CRX: variants seen among roughly 807,000 people sequenced by gnomAD.
The protein encoded by CRX is cone-rod homeobox protein.
In CRX, 5 loss-of-function variants were observed where a neutral mutation model predicts 13.1. The observed-to-expected ratio is 0.38, with a 90% CI of 0.20 to 0.80. The LOEUF (loss-of-function observed/expected upper bound fraction) is 0.80, where lower values mean the gene tolerates loss of function less well. CRX is among the 30% of genes least tolerant of loss of function. The pLI is 0.43. For missense variants in CRX, 351 were observed against 391.8 expected, an observed-to-expected ratio of 0.90 and a Z score of 0.88; for synonymous variants, 179 against 171.1, an observed-to-expected ratio of 1.05 and a Z score of -0.36.
At chr19:47,827,836 TA>T (rs1156465404) in intron 1 of CRX, among the ~76,000 whole-genome samples, 542 of 41,502 alleles carry the variant, frequency 0.013, no homozygotes, top group East Asian at 0.058. Flanking sequence ...GCATCTTTAT[TA>T]AAAAAAAAAA....
At chr19:47,832,294 CGGG>C (rs556076215) in intron 1 of CRX, among the ~76,000 whole-genome samples, 4 of 133,216 alleles carry the variant, frequency 3.0e-5, no homozygotes, top group African/African-American at 1.3e-4. Context: ...TCTGCAGAGA[CGGG>C]GTTTCACCAT....
In CRX at chr19:47,839,196, T is replaced by G; in HGVS notation, c.253-124T>G. ...GGTGAATAGACGCCCCACAGCTGGA[T>G]GCAAAGTAGACAGATGTGAACCCAG... On this transcript the variant is annotated intron_variant, in intron 3 of 3. Coordinates refer to ENST00000221996, the MANE Select transcript of CRX (RefSeq NM_000554.6). This position sits in a 1 kb window ranked among gnomAD's most constrained non-coding sequence, Gnocchi z 4.6. 9.5e-7 allele frequency: 1 copy of G among 1,049,746 alleles called. No homozygotes were observed. Among genetic ancestry groups the G allele is most frequent in the Non-Finnish European group, 1.4e-6 (1 of 721,296 alleles). The allele number at this position is 1,049,746 out of a possible 1,614,324, so 65.0% of individuals were successfully genotyped here. A position where few individuals can be genotyped will look rare whatever the true frequency, so the allele number is the denominator to read the frequency against.
At chr19:47,827,677 T>C (rs1246670356) in intron 1 of CRX, among the ~76,000 whole-genome samples, 7 of 147,094 alleles carry the variant, frequency 4.8e-5, no homozygotes, top group African/African-American at 1.7e-4. Flanking sequence ...GCACCCATCA[T>C]CATGTCTGGC....
intron 1 of CRX, among the ~76,000 whole-genome samples, chr19:47,829,929 C>A (rs1452446214): frequency 6.6e-6 from 1 of 151,768 alleles, no homozygotes; most frequent in Non-Finnish European, 1.5e-5. Flanking sequence ...GACACAGCAC[C>A]TGGCCATCTG....
intron 1 of CRX, among the ~76,000 whole-genome samples, chr19:47,831,462 G>A (rs990217718): frequency 6.6e-6 from 1 of 152,110 alleles, no homozygotes; most frequent in South Asian, 2.1e-4. Context: ...TCAGATCAGC[G>A]GTGGCTCTAG....
chr19:47,836,308 G>A lies in CRX; in HGVS notation c.166G>A (p.Ala56Thr), dbSNP rs61748437. Residue 56 changes from alanine (A) to threonine (T), a missense_variant, in exon 3 of 4, where the codon GCA becomes ACA. By Grantham distance (58) the Ala-to-Thr change is moderately conservative (BLOSUM62 0). Around this residue, in one of 3 missense-constraint regions of CRX, gnomAD observed 95 missense variants for 106.7 expected, o/e 0.89. Transcript: ENST00000221996. Reference protein sequence around the residue: ...FTRSQLEELEALFAKTQYPDV... With the variant: ...FTRSQLEELETLFAKTQYPDV... The stretch of plus-strand genomic sequence containing the variant: ...CCGGAGCCAACTGGAGGAGCTGGAG[G>A]CACTGTTTGCCAAGACCCAGTACCC... 1.6e-5 allele frequency: 26 copies of A among 1,614,074 alleles called. 1 individual carries two copies. In the Middle Eastern group the frequency reaches 4.9e-4, roughly 31 times the overall value.
intron 1 of CRX, among the ~76,000 whole-genome samples, chr19:47,827,834 AT>A (rs1397580446): frequency 3.5e-5 from 2 of 56,426 alleles, no homozygotes; most frequent in Non-Finnish European, 3.0e-5. Context: ...TGGCATCTTT[AT>A]TAAAAAAAAA....
rs61748445 is a variant in CRX at position 47,839,539 on chromosome 19, G to A, written c.472G>A (p.Ala158Thr). The A allele has an allele frequency of 4.8e-3, 7,669 of 1,613,370 alleles. 295 individuals carry two copies. The African/African-American group carries it at 0.086, about 18-fold the overall frequency. ...GPSGSPTTAV[A>T]TVSIWSPASE... Reference sequence around the variant, plus strand: ...CTCAGGCTCCCCAACCACGGCAGTGGCCACTGTGTCCATCTGGAGCCCAGC... The same window carrying A: ...CTCAGGCTCCCCAACCACGGCAGTGACCACTGTGTCCATCTGGAGCCCAGC... Residue 158 changes from alanine to threonine, a missense_variant, in exon 4 of 4, where the codon GCC (alanine) becomes ACC (threonine). Physicochemically the swap from Ala to Thr is moderately conservative, Grantham distance 58 (BLOSUM62 0). Transcript: ENST00000221996. The surrounding 1 kb of genome is among the most constrained non-coding windows in gnomAD (Gnocchi z 4.6).
At chr19:47,835,443 G>A (rs1056335489) in intron 2 of CRX, among the ~76,000 whole-genome samples, 46 of 151,304 alleles carry the variant, frequency 3.0e-4, no homozygotes, top group African/African-American at 1.1e-3. Flanking sequence ...GGAGTGCAAT[G>A]GCGCGATCTT....
chr19:47,833,274 T>TTTTTG (rs990070838), intron 1 of CRX, among the ~76,000 whole-genome samples: 7 of 150,254 alleles, frequency 4.7e-5, no homozygotes, highest in Admixed American at 1.3e-4. Flanking sequence ...TGTTTTTGTT[T>TTTTTG]TTTTGTTTTG....
rs1466242327 is a variant in CRX at position 47,843,076 on chromosome 19, G to T, written c.*3109G>T. ...GGCAGGGAGCCAAATCCAGCTAGGAGGTTACAGATTGCTTTTCCTGGGCTG... is the reference window on the plus strand; with the variant it reads ...GGCAGGGAGCCAAATCCAGCTAGGATGTTACAGATTGCTTTTCCTGGGCTG... On this transcript the variant is annotated 3_prime_UTR_variant, in exon 4 of 4. Coordinates refer to ENST00000221996, the MANE Select transcript of CRX (RefSeq NM_000554.6). 3 of 152,354 alleles carry T rather than the reference G, an allele frequency of 2.0e-5. No homozygotes were observed. Among genetic ancestry groups the T allele is most frequent in the African/African-American group, 7.2e-5 (3 of 41,440 alleles). 9.4% of individuals were successfully genotyped at this position (152,354 alleles called of 1,614,324 possible). A position where few individuals can be genotyped will look rare whatever the true frequency, so the allele number is the denominator to read the frequency against.
chr19:47,831,876 G>A (rs957390919), intron 1 of CRX, among the ~76,000 whole-genome samples: 6 of 151,742 alleles, frequency 4.0e-5, no homozygotes, highest in Non-Finnish European at 7.4e-5. Flanking sequence ...CAGAGTAGCT[G>A]GGATTACAGG....
At chr19:47,823,509 A>C (rs1289489859) in intron 1 of CRX, among the ~76,000 whole-genome samples, 9 of 152,066 alleles carry the variant, frequency 5.9e-5, no homozygotes, top group Non-Finnish European at 1.3e-4. Flanking sequence ...GGGTGCATCC[A>C]CCCAGCTCCT....
intron 1 of CRX, among the ~76,000 whole-genome samples, chr19:47,829,751 T>A (rs1037825346): frequency 6.6e-6 from 1 of 151,848 alleles, no homozygotes; most frequent in African/African-American, 2.4e-5. Flanking sequence ...TGCCTCAGCC[T>A]CCTGAGTAGC....
rs1039200059 is a variant in CRX, at chr19:47,829,476, C to T, written c.-35-4933C>T. On this transcript the variant is annotated intron_variant, in intron 1 of 3. Transcript: ENST00000221996. ...CCTCTGGAGTAGCTGGGATTACAGGCGCCCACCACCACGCCTGCCTAATTT... is the reference window on the plus strand; with the variant it reads ...CCTCTGGAGTAGCTGGGATTACAGGTGCCCACCACCACGCCTGCCTAATTT... 1.6e-4 allele frequency among the ~76,000 whole-genome samples: 24 copies of T among 151,774 alleles called. 1 individual carries two copies. The highest frequency in any genetic ancestry group is 1.4e-3 in the Admixed American group (21 of 15,234).
intron 1 of CRX, among the ~76,000 whole-genome samples, chr19:47,830,347 A>G (rs937632296): frequency 2.0e-5 from 3 of 151,952 alleles, no homozygotes; most frequent in African/African-American, 7.2e-5. Context: ...TCTCTGACGC[A>G]TATATAATAA....
chr19:47,831,736 C>G (rs568784817), intron 1 of CRX, among the ~76,000 whole-genome samples: 6 of 152,032 alleles, frequency 3.9e-5, no homozygotes, highest in Non-Finnish European at 7.4e-5. Flanking sequence ...GAGCCTAGAA[C>G]TTTTTTTAAT....
At chr19:47,834,203 CTGCTT>C (rs1370107117) in intron 1 of CRX, among the ~76,000 whole-genome samples, 1 of 152,170 alleles carries the variant, frequency 6.6e-6, no homozygotes, top group Non-Finnish European at 1.5e-5. Context: ...CTTCAGCTGT[CTGCTT>C]TGCAGAGTCT....
At chr19:47,827,889 C>T (rs1057199510) in intron 1 of CRX, among the ~76,000 whole-genome samples, 1 of 135,774 alleles carries the variant, frequency 7.4e-6, no homozygotes, top group Non-Finnish European at 1.5e-5. Flanking sequence ...CGTGGTGGCT[C>T]ACGCCTGTAA....
Sources: allele counts gnomAD v4.1 joint callset (sites outside exome capture counted in the v4.1 genomes callset), GRCh38; gene constraint gnomAD v4.1.1; regional missense constraint gnomAD v4.1.1; non-coding constraint Gnocchi (gnomAD v3.1); transcripts MANE v1.5; gene names NCBI Gene and HGNC (gene_info 2026-07-23, HGNC 2026-07-21).